DMD: variants seen among roughly 807,000 people sequenced by gnomAD.
DMD encodes dystrophin.
DMD carries 63 observed loss-of-function variants against 330.1 expected under a neutral mutation model. The ratio of observed to expected loss-of-function variants is 0.19; its 90% CI spans 0.16 to 0.24. DMD has a LOEUF of 0.24. DMD is among the 10% of genes least tolerant of loss of function. The pLI is 1.00. For missense variants in DMD, 3,344 were observed against 2,684.1 expected, an observed-to-expected ratio of 1.25 and a Z score of -5.43; for synonymous variants, 1,223 against 959.8, an observed-to-expected ratio of 1.27 and a Z score of -5.07.
At chrX:32,578,571 T>C (rs1413642135) in intron 13 of DMD, among the ~76,000 whole-genome samples, 1 of 112,010 alleles carries the variant, frequency 8.9e-6, no homozygotes, top group Non-Finnish European at 1.9e-5. Flanking sequence ...CTTTGTTTGG[T>C]TGAGTTGCTA....
intron 1 of DMD, among the ~76,000 whole-genome samples, chrX:33,235,502 T>C (rs2052460097): frequency 8.9e-6 from 1 of 112,325 alleles, no homozygotes; most frequent in South Asian, 3.7e-4. Context: ...GGGTATCCTG[T>C]TTTTTAATTT....
At chrX:32,510,911 CA>C (rs2045228009) in intron 18 of DMD, among the ~76,000 whole-genome samples, 1 of 110,605 alleles carries the variant, frequency 9.0e-6, no homozygotes, top group Non-Finnish European at 1.9e-5. Context: ...ATCCATGAGT[CA>C]AAACTTGGTA....
chrX:33,073,832 C>CAAAT (rs5902051), intron 1 of DMD, among the ~76,000 whole-genome samples: 5,158 of 99,258 alleles, frequency 0.052, 182 homozygotes, highest in Middle Eastern at 0.099. Context: ...AACTCTGTCT[C>CAAAT]AAATAAATAA....
At chrX:32,926,737 G>A (rs1304907554) in intron 2 of DMD, among the ~76,000 whole-genome samples, 4 of 97,874 alleles carry the variant, frequency 4.1e-5, no homozygotes, top group Non-Finnish European at 6.0e-5. Context: ...GGGAGACGGA[G>A]CAAGACTCCA....
At position 32,764,957 on chromosome X, in the gene DMD, GTT is replaced by G. The variant is rs35691071; in HGVS notation, c.649+44534_649+44535del. On this transcript the variant is annotated intron_variant, in intron 7 of 78. Coordinates refer to ENST00000357033, the MANE Select transcript of DMD (RefSeq NM_004006.3). ...ATCCTCAACCATATTTATTTTCTGG[GTT>G]TTTTTTTTTTTTTTTGGTGTTTTAA... is the stretch of plus-strand genomic sequence containing the variant. Among the ~76,000 whole-genome samples the G allele has an allele frequency of 9.8e-3, 899 of 91,873 alleles. 8 individuals carry two copies. The highest frequency in any genetic ancestry group is 0.029 in the African/African-American group (748 of 25,871). The allele number at this position is 91,873 out of a possible 115,157, so 79.8% of individuals were successfully genotyped here. A position where few individuals can be genotyped will look rare whatever the true frequency, so the allele number is the denominator to read the frequency against.
intron 52 of DMD, among the ~76,000 whole-genome samples, chrX:31,722,075 A>C (rs921454275): frequency 1.3e-4 from 14 of 108,602 alleles, no homozygotes; most frequent in Non-Finnish European, 7.6e-5. Context: ...GTGCACCAAA[A>C]TTTATTTGAT....
chrX:32,667,353 A>C (rs1299113633), intron 9 of DMD, among the ~76,000 whole-genome samples: 1 of 112,020 alleles, frequency 8.9e-6, no homozygotes, highest in African/African-American at 3.2e-5. Flanking sequence ...GCAATAAATA[A>C]ATAAATTATA....
chrX:32,082,129 C>T (rs1318952673), intron 44 of DMD, among the ~76,000 whole-genome samples: 2 of 111,603 alleles, frequency 1.8e-5, no homozygotes, highest in Non-Finnish European at 3.8e-5. Flanking sequence ...GCTGAGCAGG[C>T]ATCTAGGCCA....
chrX:31,178,844 G>A, intron 69 of DMD, 39 bp from the exon 70 acceptor site: 1 of 1,198,069 alleles, frequency 8.3e-7, no homozygotes, highest in Non-Finnish European at 1.1e-6. Flanking sequence ...TTTAGGACAG[G>A]ATGATTTCAA....
intron 2 of DMD, among the ~76,000 whole-genome samples, chrX:32,943,229 T>C (rs1345395010): frequency 8.9e-6 from 1 of 111,762 alleles, no homozygotes; most frequent in African/African-American, 3.2e-5. Flanking sequence ...TTGAATCATG[T>C]ACAGATAATT....
At chrX:32,285,482 T>C (rs2097436552) in intron 43 of DMD, among the ~76,000 whole-genome samples, 1 of 111,907 alleles carries the variant, frequency 8.9e-6, no homozygotes, top group Non-Finnish European at 1.9e-5. Flanking sequence ...GGCACAATCA[T>C]GGCTCGTGGC....
Position 32,342,114 on chromosome X carries a change from T to C in DMD, c.5908A>G (p.Asn1970Asp). Residue 1970 changes from asparagine to aspartate, a missense_variant, in exon 41 of 79, where the codon AAC becomes GAC. By Grantham distance (23) the Asn-to-Asp change is conservative. Coordinates refer to ENST00000357033, the MANE Select transcript of DMD (RefSeq NM_004006.3). The stretch of plus-strand genomic sequence containing the variant: ...TAACAACTCACAATTTGTGCAAAGT[T>C]GAGTCTTCGAAACTGAGCAAATTTG... Reference protein sequence around the residue: ...ESKFAQFRRLNFAQIHTVREE... With the variant: ...ESKFAQFRRLDFAQIHTVREE... 4 of 1,208,965 alleles carry C rather than the reference T, an allele frequency of 3.3e-6. No individual in the cohort carries two copies. Among genetic ancestry groups the C allele is most frequent in the Non-Finnish European group, 4.5e-6 (4 of 893,542 alleles).
chrX:33,099,420 T>C (rs1306631120), intron 1 of DMD, among the ~76,000 whole-genome samples: 2 of 111,095 alleles, frequency 1.8e-5, no homozygotes, highest in African/African-American at 3.3e-5. Context: ...TATTCATTAG[T>C]TTCCCTTAAC....
In DMD at chrX:32,723,094, G is replaced by C. The variant is rs981328157; in HGVS notation, c.650-23801C>G. 4.5e-5 allele frequency among the ~76,000 whole-genome samples: 5 copies of C among 111,189 alleles called. No individual in the cohort carries two copies. In the East Asian group the frequency reaches 1.1e-3, roughly 25 times the overall value. The stretch of plus-strand genomic sequence containing the variant: ...GCTTTTCATAAATAGCCTTGATGTT[G>C]AGGAAATTTCCTTCCATACATATTT... On this transcript the variant is annotated intron_variant, in intron 7 of 78. Transcript: ENST00000357033.
At chrX:32,715,744 T>C (rs911568617) in intron 7 of DMD, among the ~76,000 whole-genome samples, 6 of 110,611 alleles carry the variant, frequency 5.4e-5, no homozygotes, top group African/African-American at 2.0e-4. Flanking sequence ...GAGGTTGCAG[T>C]GAGCCACTGC....
intron 41 of DMD, among the ~76,000 whole-genome samples, chrX:32,317,890 C>T (rs1278253100): frequency 4.6e-5 from 5 of 108,231 alleles, no homozygotes; most frequent in Admixed American, 4.0e-4. Context: ...TAAGCAAATC[C>T]TCAAAGTAAG....
chrX:33,272,450 C>T (rs1603427263), intron 1 of DMD, among the ~76,000 whole-genome samples: 2 of 111,267 alleles, frequency 1.8e-5, no homozygotes, highest in Non-Finnish European at 1.9e-5. Flanking sequence ...TGTTAAAGAA[C>T]AAAAAGGACG....
At chrX:31,935,131 G>A (rs2094907382) in intron 45 of DMD, among the ~76,000 whole-genome samples, 1 of 111,497 alleles carries the variant, frequency 9.0e-6, no homozygotes, top group Non-Finnish European at 1.9e-5. Flanking sequence ...ATTGAAGTGA[G>A]AGGATGCTTT....
chrX:32,356,431 CAATCA>C (rs1349451327), intron 37 of DMD, among the ~76,000 whole-genome samples: 1 of 95,683 alleles, frequency 1.0e-5, no homozygotes, highest in Admixed American at 1.1e-4. Flanking sequence ...ATTATTGCAG[CAATCA>C]AACAATGAAT....
Sources: gnomAD v4.1 joint callset for allele counts (sites outside exome capture counted in the v4.1 genomes callset) on GRCh38, gnomAD v4.1.1 for gene constraint, MANE v1.5 for transcripts, NCBI Gene and HGNC (gene_info 2026-07-23, HGNC 2026-07-21) for gene names.